The following FOXP2 variants were observed in gnomAD, a reference collection of about 807,000 sequenced individuals.
FOXP2 encodes the protein forkhead box P2.
A neutral mutation model predicts 115.8 loss-of-function variants in FOXP2; 12 were observed. The observed-to-expected ratio is 0.10, with a 90% confidence interval of 0.07 to 0.17. The LOEUF is 0.17. FOXP2 is among the 10% of genes least tolerant of loss of function. The pLI, the probability that FOXP2 is intolerant of heterozygous loss-of-function variation, is 1.00. For synonymous variants in FOXP2, 328 were observed against 297.7 expected (o/e 1.10, Z -1.05); for missense variants, 629 against 843.5 (o/e 0.75, Z 3.15).
At chr7:114,557,677 A>C (rs1181322916) in intron 3 of FOXP2, among the ~76,000 whole-genome samples, 1 of 152,128 alleles carries the variant, frequency 6.6e-6, no homozygotes, top group Non-Finnish European at 1.5e-5. Flanking sequence ...TGGTACTACA[A>C]AATTTATTTT....
At chr7:114,475,585 G>T (rs1796221566) in intron 2 of FOXP2, among the ~76,000 whole-genome samples, 2 of 152,036 alleles carry the variant, frequency 1.3e-5, no homozygotes, top group African/African-American at 4.8e-5. Context: ...TGGTCATTTT[G>T]AATTACTCCA....
At chr7:114,664,686 C>T in intron 16 of FOXP2, 1 of 501,930 alleles carries the variant, frequency 2.0e-6, no homozygotes, top group East Asian at 3.8e-5. Context: ...TACTAATGTT[C>T]TCTTGGGCAT....
At chr7:114,458,546 C>CT (rs1177402028) in intron 2 of FOXP2, among the ~76,000 whole-genome samples, 49,791 of 113,688 alleles carry the variant, frequency 0.44, 11,257 homozygotes, top group African/African-American at 0.48. Context: ...ATTTTCTTTT[C>CT]TTTTTTTTTT....
intron 1 of FOXP2, among the ~76,000 whole-genome samples, chr7:114,423,541 G>A (rs1344714880): frequency 1.3e-5 from 2 of 151,476 alleles, no homozygotes; most frequent in African/African-American, 4.8e-5. Flanking sequence ...TTAAAACAGG[G>A]ACTCCCAGAT....
At chr7:114,202,030 T>C (rs1198261343) in intron 1 of FOXP2, among the ~76,000 whole-genome samples, 1 of 152,138 alleles carries the variant, frequency 6.6e-6, no homozygotes, top group Non-Finnish European at 1.5e-5. Context: ...AAAACAAAAA[T>C]AATTAAGAAA....
At chr7:114,263,388 C>CTTCCTT (rs1374290451) in intron 1 of FOXP2, among the ~76,000 whole-genome samples, 10 of 142,846 alleles carry the variant, frequency 7.0e-5, no homozygotes, top group South Asian at 4.5e-4. Context: ...TCCCCTCTTT[C>CTTCCTT]TTCCTTTTCC....
chr7:114,555,984 C>T (rs1009248803), intron 3 of FOXP2, among the ~76,000 whole-genome samples: 17 of 152,062 alleles, frequency 1.1e-4, no homozygotes, highest in Admixed American at 2.6e-4. Context: ...CCACTGCTGA[C>T]ATGGCAGTGG....
At chr7:114,224,494 G>A (rs985357009) in intron 1 of FOXP2, among the ~76,000 whole-genome samples, 5 of 151,940 alleles carry the variant, frequency 3.3e-5, no homozygotes, top group Non-Finnish European at 7.4e-5. Context: ...TATGCCTTGG[G>A]TTTCTTAGCT....
chr7:114,674,731 C>A (rs2129346817), intron 16 of FOXP2, among the ~76,000 whole-genome samples: 1 of 151,992 alleles, frequency 6.6e-6, no homozygotes, highest in African/African-American at 2.4e-5. Context: ...TTATTCAGTC[C>A]TATAAATAAG....
intron 3 of FOXP2, among the ~76,000 whole-genome samples, chr7:114,585,315 A>C (rs1802077391): frequency 1.3e-5 from 2 of 152,176 alleles, no homozygotes; most frequent in African/African-American, 4.8e-5. Context: ...TGAAAGGGTC[A>C]GAAAATCTGT....
rs113233946 is a variant in FOXP2, at chr7:114,171,764, T to C, written c.-102+8676T>C. ...GGCTGTACCTGCTATAGGTAGTAGA[T>C]TCCTCTGATGGAACTGGGCAAAGTC... On this transcript the variant is annotated intron_variant, in intron 1 of 17. Coordinates refer to the FOXP2 transcript ENST00000634411. Among the ~76,000 whole-genome samples the C allele has an allele frequency of 1.2e-3, 184 of 152,286 alleles. 4 individuals carry two copies. The East Asian group carries it at 0.017, about 14-fold the overall frequency.
intron 1 of FOXP2, among the ~76,000 whole-genome samples, chr7:114,113,472 C>T (rs535646866): frequency 2.6e-5 from 4 of 152,268 alleles, no homozygotes; most frequent in South Asian, 4.1e-4. Flanking sequence ...GCCTTGAACT[C>T]CTGTGCTCAG....
intron 1 of FOXP2, among the ~76,000 whole-genome samples, chr7:114,223,252 C>T (rs1794666245): frequency 6.6e-6 from 1 of 151,922 alleles, no homozygotes; most frequent in Non-Finnish European, 1.5e-5. Context: ...GCTGCACATG[C>T]TCATAAACAT....
At chr7:114,669,331 C>T (rs1356687792) in intron 16 of FOXP2, 1 of 152,014 alleles carries the variant, frequency 6.6e-6, no homozygotes, top group East Asian at 1.9e-4. Context: ...TTTTTTGAAA[C>T]TTCTTTGACT....
intron 1 of FOXP2, among the ~76,000 whole-genome samples, chr7:114,216,547 G>A (rs1794489639): frequency 6.6e-6 from 1 of 151,960 alleles, no homozygotes; most frequent in Non-Finnish European, 1.5e-5. Flanking sequence ...TGTAATATAT[G>A]CCTTCACTGC....
At position 114,530,815 on chromosome 7, in the gene FOXP2, C is replaced by A. The variant is rs563116253; in HGVS notation, c.169-3802C>A. On this transcript the variant is annotated intron_variant, in intron 2 of 16. Coordinates refer to ENST00000350908, the MANE Select transcript of FOXP2 (RefSeq NM_014491.4). ...TCTTACAAAAATTTAGTTAAAATTG[C>A]ACAGTAAGAGTTAGGAATGATGTTT... Among the ~76,000 whole-genome samples the A allele has an allele frequency of 6.6e-5, 10 of 151,828 alleles. No homozygotes were observed. In the South Asian group the frequency reaches 2.1e-3, roughly 31 times the overall value.
At chr7:114,352,128 G>A (rs1791506255) in intron 2 of FOXP2, among the ~76,000 whole-genome samples, 1 of 151,830 alleles carries the variant, frequency 6.6e-6, no homozygotes, top group Admixed American at 6.6e-5. Flanking sequence ...ATAGCTGAGT[G>A]TGGTGGGGCA....
intron 2 of FOXP2, among the ~76,000 whole-genome samples, chr7:114,369,405 C>G (rs563487369): frequency 6.6e-6 from 1 of 152,136 alleles, no homozygotes; most frequent in South Asian, 2.1e-4. Context: ...ATTCATATGC[C>G]AAGAGTTCTG....
chr7:114,606,525 A>C (rs1341252371), intron 3 of FOXP2, among the ~76,000 whole-genome samples: 1 of 152,168 alleles, frequency 6.6e-6, no homozygotes, highest in African/African-American at 2.4e-5. Context: ...ACAATGAGAA[A>C]ATTATTTTAT....
Sources: allele counts gnomAD v4.1 joint callset (sites outside exome capture counted in the v4.1 genomes callset), GRCh38; gene constraint gnomAD v4.1.1; transcripts MANE v1.5; gene names NCBI Gene and HGNC (gene_info 2026-07-23, HGNC 2026-07-21).